The following SLC22A25 variants were observed in gnomAD, a reference collection of about 807,000 sequenced individuals.
The protein encoded by SLC22A25 is MGI:2442751, MGI:2385316, MGI:3042283, MGI:3645714, MGI:3605624, MGI:2442750.
SLC22A25 carries 44 observed loss-of-function variants against 45.9 expected under a neutral mutation model. The ratio of observed to expected loss-of-function variants is 0.96; its 90% CI spans 0.75 to 1.23. The LOEUF is 1.23. Ranked by LOEUF, SLC22A25 falls within the 50% of genes most tolerant of loss-of-function variation. SLC22A25 has a pLI of 0.00. For missense variants in SLC22A25, 800 were observed against 666.4 expected, an observed-to-expected ratio of 1.20 and a Z score of -2.21; for synonymous variants, 283 against 238.6, an observed-to-expected ratio of 1.19 and a Z score of -1.72.
chr11:63,227,525 A>G (rs975096032), intron 5 of SLC22A25, among the ~76,000 whole-genome samples: 1 of 152,142 alleles, frequency 6.6e-6, no homozygotes, highest in African/African-American at 2.4e-5. Context: ...CAAGTTGTGA[A>G]AAAAAGTCAT....
At chr11:63,187,144 C>A (rs2088588083) in intron 7 of SLC22A25, among the ~76,000 whole-genome samples, 1 of 152,138 alleles carries the variant, frequency 6.6e-6, no homozygotes, top group Non-Finnish European at 1.5e-5. Context: ...GCAGTATGGC[C>A]ATTTTCATGA....
rs572961397 is a variant in SLC22A25 at position 63,233,885 on chromosome 11, C to T, written c.-444-3789G>A. 3.7e-4 allele frequency among the ~76,000 whole-genome samples: 57 copies of T among 152,268 alleles called. No individual in the cohort carries two copies. The South Asian group carries it at 9.7e-3, about 26-fold the overall frequency. On this transcript the variant is annotated intron_variant, in intron 3 of 11. Coordinates refer to ENST00000306494, the MANE Select transcript of SLC22A25 (RefSeq NM_199352.6). The stretch of plus-strand genomic sequence containing the variant: ...AACATCTTTATTTCTGCCTTCATTT[C>T]GTTATGTACCCAGTAGTCATTCAGG...
intron 7 of SLC22A25, among the ~76,000 whole-genome samples, chr11:63,195,856 C>G (rs2089006688): frequency 6.6e-6 from 1 of 151,998 alleles, no homozygotes. Context: ...AGACCACTAG[C>G]AGGACTAATA....
At chr11:63,174,674 G>A (rs118029763) in intron 9 of SLC22A25, among the ~76,000 whole-genome samples, 9 of 152,122 alleles carry the variant, frequency 5.9e-5, no homozygotes, top group Non-Finnish European at 1.3e-4. Flanking sequence ...TGCATAACAC[G>A]AGTTCTGCCC....
intron 5 of SLC22A25, among the ~76,000 whole-genome samples, chr11:63,218,394 G>T (rs2089774065): frequency 1.3e-5 from 2 of 152,066 alleles, no homozygotes; most frequent in African/African-American, 4.8e-5. Context: ...ACTACCAATT[G>T]GGTACTATGC....
At chr11:63,185,298 C>T (rs1590813577) in intron 7 of SLC22A25, among the ~76,000 whole-genome samples, 2 of 152,018 alleles carry the variant, frequency 1.3e-5, no homozygotes, top group Admixed American at 1.3e-4. Flanking sequence ...TCCCCTCACC[C>T]CACAACAGGC....
At chr11:63,179,863 G>A (rs2088254787) in intron 9 of SLC22A25, among the ~76,000 whole-genome samples, 2 of 152,084 alleles carry the variant, frequency 1.3e-5, no homozygotes, top group South Asian at 4.1e-4. Flanking sequence ...ATCCAAATAT[G>A]CCAGTTCCAT....
intron 7 of SLC22A25, among the ~76,000 whole-genome samples, chr11:63,185,537 T>TTTTATTTTTTA (rs1565079179): frequency 4.0e-5 from 6 of 150,366 alleles, no homozygotes; most frequent in Admixed American, 2.7e-4. Flanking sequence ...TATTTTTATT[T>TTTTATTTTTTA]TTTATTTATT....
At chr11:63,225,376 T>C (rs1035367402) in intron 5 of SLC22A25, among the ~76,000 whole-genome samples, 2 of 152,208 alleles carry the variant, frequency 1.3e-5, no homozygotes, top group African/African-American at 4.8e-5. Flanking sequence ...TCATTCATAT[T>C]TGAAGGATAT....
At chr11:63,225,764 G>A (rs913306058) in intron 5 of SLC22A25, among the ~76,000 whole-genome samples, 3 of 152,036 alleles carry the variant, frequency 2.0e-5, no homozygotes, top group Non-Finnish European at 4.4e-5. Context: ...AATAACCCTT[G>A]GATTTAACCT....
intron 9 of SLC22A25, among the ~76,000 whole-genome samples, chr11:63,178,499 A>G (rs1158919536): frequency 6.6e-6 from 1 of 150,438 alleles, no homozygotes; most frequent in Non-Finnish European, 1.5e-5. Flanking sequence ...TCTTTTTGAT[A>G]ATATTTTAAC....
chr11:63,231,853 C>T (rs2090074990), intron 3 of SLC22A25, among the ~76,000 whole-genome samples: 1 of 152,162 alleles, frequency 6.6e-6, no homozygotes, highest in South Asian at 2.1e-4. Flanking sequence ...CTACATATGG[C>T]TAGCCAGTTT....
intron 9 of SLC22A25, among the ~76,000 whole-genome samples, chr11:63,179,928 G>A (rs2088258016): frequency 6.6e-6 from 1 of 152,148 alleles, no homozygotes; most frequent in African/African-American, 2.4e-5. Context: ...TGTGTCCAAA[G>A]GCCAAGGTGT....
intron 7 of SLC22A25, among the ~76,000 whole-genome samples, chr11:63,199,481 A>G (rs926465740): frequency 1.3e-5 from 2 of 152,134 alleles, no homozygotes; most frequent in Non-Finnish European, 2.9e-5. Flanking sequence ...TTGGCTTAGA[A>G]CTACAGAAGA....
intron 9 of SLC22A25, among the ~76,000 whole-genome samples, chr11:63,168,739 CAT>C (rs1328568958): frequency 6.6e-6 from 1 of 152,160 alleles, no homozygotes; most frequent in Non-Finnish European, 1.5e-5. Context: ...TTGGAAATCA[CAT>C]GTCAGGACAT....
chr11:63,181,892 T>G (rs1164970930), intron 8 of SLC22A25, among the ~76,000 whole-genome samples: 5 of 152,124 alleles, frequency 3.3e-5, no homozygotes, highest in Non-Finnish European at 7.4e-5. Flanking sequence ...CTAAAAATTT[T>G]GATCTCCATG....
rs991036704 is a variant in SLC22A25, at chr11:63,160,243, C to T, written c.*3581G>A. Among the ~76,000 whole-genome samples, 9 of 152,130 alleles carry T rather than the reference C, an allele frequency of 5.9e-5. No individual in the cohort carries two copies. The highest frequency in any genetic ancestry group is 9.7e-5 in the African/African-American group (4 of 41,436). ...ACCTTTGTGACAGCCCTTCCTATCACAGGCCTGGAGGCCTAGGAGGTCCAG... is the reference window on the plus strand; with the variant it reads ...ACCTTTGTGACAGCCCTTCCTATCATAGGCCTGGAGGCCTAGGAGGTCCAG... On this transcript the variant is annotated 3_prime_UTR_variant, in exon 12 of 12. Coordinates refer to ENST00000306494, the MANE Select transcript of SLC22A25 (RefSeq NM_199352.6).
chr11:63,164,056 A>T lies in SLC22A25; in HGVS notation c.1412T>A (p.Ile471Asn). 8.7e-6 allele frequency: 14 copies of T among 1,602,288 alleles called. No individual in the cohort carries two copies. Among genetic ancestry groups the T allele is most frequent in the Non-Finnish European group, 1.2e-5 (14 of 1,173,916 alleles). ...PSIIRGRATG[I>N]TGNFANIGGA... ...CCCAATATTAGCAAAGTTTCCAGTG[A>T]TTCCAGTAGCTCTTCCCCTTGGAGT... The change falls in exon 12 of 12, where the codon ATC (isoleucine) becomes AAC (asparagine). Residue 471 changes from isoleucine (I) to asparagine (N), a missense_variant. Physicochemically the swap from Ile to Asn is moderately radical, Grantham distance 149. Transcript: ENST00000306494.
At chr11:63,209,488 C>T (rs950376199) in intron 7 of SLC22A25, among the ~76,000 whole-genome samples, 1 of 152,066 alleles carries the variant, frequency 6.6e-6, no homozygotes, top group African/African-American at 2.4e-5. Flanking sequence ...GAAAGTGAGG[C>T]TCAGTCTCCC....
Sources: allele counts gnomAD v4.1 joint callset (sites outside exome capture counted in the v4.1 genomes callset), GRCh38; gene constraint gnomAD v4.1.1; transcripts MANE v1.5; gene names NCBI Gene and HGNC (gene_info 2026-07-23, HGNC 2026-07-21).